Variants in TEX11 observed in about 807,000 individuals in gnomAD.
The protein encoded by TEX11 is testis-expressed protein 11.
In TEX11, 7 loss-of-function variants were observed where a neutral mutation model predicts 84.4. That is an observed-to-expected ratio of 0.08 (90% confidence interval 0.05 to 0.16). The LOEUF is 0.16. TEX11 is among the 10% of genes least tolerant of loss of function. The probability of loss-of-function intolerance (pLI) is 1.00; values close to 1 mark genes in which losing one functional copy is unlikely to be tolerated. For missense variants in TEX11, 551 were observed against 660.5 expected (o/e 0.83, Z 1.82); for synonymous variants, 264 against 222.8 (o/e 1.18, Z -1.64).
chrX:70,899,176 T>C (rs1569463505), intron 2 of TEX11, among the ~76,000 whole-genome samples: 1 of 112,085 alleles, frequency 8.9e-6, no homozygotes, highest in East Asian at 2.8e-4. Context: ...TGAGTTTTAC[T>C]ACTAAACTTT....
intron 8 of TEX11, among the ~76,000 whole-genome samples, chrX:70,829,481 C>CAA (rs60664977): frequency 6.5e-4 from 47 of 72,820 alleles, no homozygotes; most frequent in African/African-American, 2.1e-3. Context: ...CATTCCGTCT[C>CAA]AAAAAAAAAA....
chrX:70,729,172 C>G (rs2090623678), intron 11 of TEX11, among the ~76,000 whole-genome samples: 1 of 105,186 alleles, frequency 9.5e-6, no homozygotes, highest in Admixed American at 1.0e-4. Flanking sequence ...TTGTCACCAT[C>G]ATCAAAGACC....
intron 14 of TEX11, 74 bp from the exon 15 acceptor site, chrX:70,678,963 C>T: frequency 6.0e-6 from 5 of 832,952 alleles, no homozygotes; most frequent in Non-Finnish European, 8.5e-6. Context: ...TCTCCCTCTC[C>T]CTCTCCCCAC....
chrX:70,520,523 G>A, the TEX11 span, among the ~76,000 whole-genome samples: 1 of 112,009 alleles, frequency 8.9e-6, no homozygotes, highest in East Asian at 2.8e-4. Flanking sequence ...TCGTCTCAGA[G>A]GGGCACTCTG....
chrX:70,762,010 A>C (rs1394981057), intron 9 of TEX11, among the ~76,000 whole-genome samples: 1 of 112,093 alleles, frequency 8.9e-6, no homozygotes, highest in East Asian at 2.8e-4. Flanking sequence ...TGATGTATTT[A>C]AACTGTTGAA....
chrX:70,813,377 G>A (rs1190975148), intron 8 of TEX11, among the ~76,000 whole-genome samples: 2 of 111,448 alleles, frequency 1.8e-5, no homozygotes, highest in Non-Finnish European at 3.8e-5. Flanking sequence ...ATGCAGAAAA[G>A]GCCTTTGACA....
At chrX:70,545,781 G>A (rs1413252314) in intron 28 of TEX11, among the ~76,000 whole-genome samples, 1 of 111,627 alleles carries the variant, frequency 9.0e-6, no homozygotes, top group Non-Finnish European at 1.9e-5. Flanking sequence ...TGAGTAATGT[G>A]TTGCCTTACG....
In TEX11 at chrX:70,635,454, G is replaced by A. The variant is rs1288806311; in HGVS notation, c.1484-5719C>T. On this transcript the variant is annotated intron_variant, in intron 17 of 29. Coordinates refer to ENST00000374333, the MANE Select transcript of TEX11 (RefSeq NM_031276.3). Reference sequence around the variant, plus strand: ...GCCACATCACCAGGCCAACCCCAGCGGATTCAGGCTCCAGACTGGCCCCAG... The same window carrying A: ...GCCACATCACCAGGCCAACCCCAGCAGATTCAGGCTCCAGACTGGCCCCAG... 5.3e-5 allele frequency among the ~76,000 whole-genome samples: 6 copies of A among 112,193 alleles called. 1 individual carries two copies. The highest frequency in any genetic ancestry group is 7.4e-4 in the South Asian group (2 of 2,690).
At chrX:70,774,388 G>A (rs1299264343) in intron 9 of TEX11, among the ~76,000 whole-genome samples, 3 of 109,787 alleles carry the variant, frequency 2.7e-5, no homozygotes, top group Non-Finnish European at 5.7e-5. Context: ...GAGCAATCAG[G>A]CAAAAGAAAA....
intron 25 of TEX11, among the ~76,000 whole-genome samples, chrX:70,563,826 G>T (rs1429995059): frequency 8.9e-6 from 1 of 112,345 alleles, no homozygotes; most frequent in Non-Finnish European, 1.9e-5. Context: ...ATTTTTGAAT[G>T]TTGAATTCCT....
At chrX:70,859,474 C>T (rs780580159) in intron 5 of TEX11, among the ~76,000 whole-genome samples, 220 of 100,869 alleles carry the variant, frequency 2.2e-3, no homozygotes, top group Admixed American at 3.2e-3. Flanking sequence ...CCCAGTTACT[C>T]GGGAAGCTGA....
the TEX11 span, among the ~76,000 whole-genome samples, chrX:70,519,702 C>T: frequency 2.7e-5 from 3 of 112,147 alleles, no homozygotes; most frequent in Non-Finnish European, 5.6e-5. Flanking sequence ...TAATATCCTG[C>T]AGAGTGTTTT....
At chrX:70,646,001 T>C (rs1016505776) in intron 17 of TEX11, among the ~76,000 whole-genome samples, 1 of 111,303 alleles carries the variant, frequency 9.0e-6, no homozygotes, top group African/African-American at 3.3e-5. Context: ...GAAGTCACCA[T>C]ACTATGTGAA....
chrX:70,869,891 A>C (rs913136728), intron 4 of TEX11, among the ~76,000 whole-genome samples: 2 of 112,289 alleles, frequency 1.8e-5, no homozygotes, highest in Non-Finnish European at 3.8e-5. Flanking sequence ...AGCTGTTTAT[A>C]GTTATCACCA....
intron 13 of TEX11, among the ~76,000 whole-genome samples, chrX:70,706,109 C>CATGGAATACT (rs1265101438): frequency 9.0e-6 from 1 of 111,317 alleles, no homozygotes; most frequent in East Asian, 2.8e-4. Context: ...ACATATACAC[C>CATGGAATACT]ATGGAATACT....
chrX:70,810,594 G>A (rs1602146108), intron 8 of TEX11, among the ~76,000 whole-genome samples: 2 of 111,080 alleles, frequency 1.8e-5, no homozygotes, highest in South Asian at 7.7e-4. Flanking sequence ...GCTGAACAAT[G>A]AGAACACATG....
At chrX:70,710,327 T>A (rs1334333742) in intron 13 of TEX11, among the ~76,000 whole-genome samples, 4 of 111,660 alleles carry the variant, frequency 3.6e-5, no homozygotes, top group African/African-American at 1.3e-4. Flanking sequence ...GTTTGTAGAA[T>A]TTTTTAAATA....
At chrX:70,669,005 A>G (rs1313694612) in intron 16 of TEX11, among the ~76,000 whole-genome samples, 1 of 112,001 alleles carries the variant, frequency 8.9e-6, no homozygotes, top group African/African-American at 3.2e-5. Flanking sequence ...TGTGATGCCA[A>G]CCACCTGTGT....
intron 28 of TEX11, among the ~76,000 whole-genome samples, chrX:70,542,096 T>A (rs2088053294): frequency 9.0e-6 from 1 of 111,060 alleles, no homozygotes; most frequent in Non-Finnish European, 1.9e-5. Context: ...GACTGAATGT[T>A]TGTGTCCCTT....
Sources: allele counts gnomAD v4.1 joint callset (sites outside exome capture counted in the v4.1 genomes callset), GRCh38; gene constraint gnomAD v4.1.1; transcripts MANE v1.5; gene names NCBI Gene and HGNC (gene_info 2026-07-23, HGNC 2026-07-21).